Variants in MET observed in about 807,000 individuals in gnomAD.
MET encodes MET proto-oncogene, receptor tyrosine kinase, also known as hepatocyte growth factor receptor.
MET carries 48 observed loss-of-function variants against 133.1 expected under a neutral mutation model. The ratio of observed to expected loss-of-function variants is 0.36; its 90% CI spans 0.29 to 0.46. The LOEUF (loss-of-function observed/expected upper bound fraction) is 0.46, where lower values mean the gene tolerates loss of function less well. Among genes scored for constraint, MET ranks in the 20% least tolerant of loss-of-function variants. The probability of loss-of-function intolerance (pLI) is 1.00; values close to 1 mark genes in which losing one functional copy is unlikely to be tolerated. For missense variants in MET, 1,442 were observed against 1,695.9 expected, an observed-to-expected ratio of 0.85 and a Z score of 2.63; for synonymous variants, 628 against 616.5, an observed-to-expected ratio of 1.02 and a Z score of -0.28.
chr7:116,792,420 T>C (rs1584974554), intron 19 of MET, among the ~76,000 whole-genome samples: 3 of 135,854 alleles, frequency 2.2e-5, no homozygotes, highest in Admixed American at 7.5e-5. Flanking sequence ...ATTGTACACC[T>C]CCCTCCCCTC....
intron 2 of MET, among the ~76,000 whole-genome samples, chr7:116,712,697 C>G (rs543719365): frequency 1.3e-5 from 2 of 151,572 alleles, no homozygotes; most frequent in Admixed American, 1.3e-4. Context: ...CCCCTCCCGT[C>G]CCCCCCACAC....
intron 19 of MET, among the ~76,000 whole-genome samples, chr7:116,792,491 A>C (rs1205490084): frequency 1.4e-5 from 2 of 141,234 alleles, no homozygotes; most frequent in East Asian, 4.3e-4. Flanking sequence ...ACACACACAC[A>C]CACACACACA....
chr7:116,791,760 G>A lies in MET; in HGVS notation c.3799-3895G>A, dbSNP rs1009690200. On this transcript the variant is annotated intron_variant, in intron 19 of 20. Transcript: ENST00000397752. ...GCTCACTGCTACCTCTGCTTCTTGG[G>A]TTCAAGTGATTCTTTTACCTCAGCC... 7.2e-5 allele frequency among the ~76,000 whole-genome samples: 11 copies of A among 152,286 alleles called. 1 individual carries two copies. Among genetic ancestry groups the A allele is most frequent in the Admixed American group, 3.3e-4 (5 of 15,300 alleles).
rs1027153638 is a variant in MET at position 116,776,827 on chromosome 7, T to C, written c.3260-562T>C. 5.9e-5 allele frequency among the ~76,000 whole-genome samples: 9 copies of C among 152,312 alleles called. No individual in the cohort carries two copies. In the East Asian group the frequency reaches 1.7e-3, roughly 29 times the overall value. On this transcript the variant is annotated intron_variant, in intron 15 of 20. Coordinates refer to ENST00000397752, the MANE Select transcript of MET (RefSeq NM_000245.4). ...ATGAAGTGAGTCAGGGTGAATTTGC[T>C]TCATCTGGGCAACTGCCTTTCAGTT...
intron 3 of MET, among the ~76,000 whole-genome samples, chr7:116,738,621 A>C (rs1466243339): frequency 6.6e-6 from 1 of 152,162 alleles, no homozygotes; most frequent in East Asian, 1.9e-4. Context: ...TAGAGCACAA[A>C]TGTCATGATG....
intron 2 of MET, among the ~76,000 whole-genome samples, chr7:116,703,666 G>A (rs1791665899): frequency 6.6e-6 from 1 of 151,936 alleles, no homozygotes; most frequent in Non-Finnish European, 1.5e-5. Flanking sequence ...TTACATATAA[G>A]GGATTGATTA....
chr7:116,688,862 G>A (rs377071518), intron 1 of MET, among the ~76,000 whole-genome samples: 2 of 152,090 alleles, frequency 1.3e-5, no homozygotes, highest in African/African-American at 4.8e-5. Flanking sequence ...GACTAAGAGG[G>A]GATGCAAAAA....
chr7:116,741,108 T>G, intron 5 of MET, 83 bp downstream of exon 5: 1 of 1,502,090 alleles, frequency 6.7e-7, no homozygotes, highest in Non-Finnish European at 9.1e-7. Context: ...TGTTTTTTGT[T>G]TTTTTAGATA....
At chr7:116,685,302 A>G (rs191800900) in intron 1 of MET, among the ~76,000 whole-genome samples, 1 of 152,174 alleles carries the variant, frequency 6.6e-6, no homozygotes, top group Admixed American at 6.5e-5. Context: ...CTTAATTTAA[A>G]TCTCTAGCCC....
chr7:116,770,587 C>T (rs1226273140), intron 12 of MET, among the ~76,000 whole-genome samples: 1 of 152,130 alleles, frequency 6.6e-6, no homozygotes, highest in East Asian at 1.9e-4. Flanking sequence ...ATACCCTTCT[C>T]TCCCCCGGCT....
rs772014416 is a variant in MET, at chr7:116,700,197, C to A, written c.1113C>A (p.Asn371Lys). 1 of 1,592,764 alleles carries A rather than the reference C, an allele frequency of 6.3e-7. No homozygotes were observed. Among genetic ancestry groups the A allele is most frequent in the South Asian group, 1.2e-5 (1 of 85,902 alleles). ...GTGCATTCCCTATCAAATATGTCAA[C>A]GACTTCTTCAACAAGATCGTCAACA... ...AMCAFPIKYV[N>K]DFFNKIVNKN... The change falls in exon 2 of 21, where the codon AAC becomes AAA. Residue 371 changes from asparagine (N) to lysine (K), a missense_variant. Asn to Lys is a moderately conservative substitution (Grantham distance 94). Transcript: ENST00000397752.
At chr7:116,687,934 C>T (rs1321540103) in intron 1 of MET, among the ~76,000 whole-genome samples, 1 of 152,184 alleles carries the variant, frequency 6.6e-6, no homozygotes, top group Non-Finnish European at 1.5e-5. Flanking sequence ...GAATGGGGTT[C>T]ACTCACCACC....
At chr7:116,724,920 A>G (rs1792681840) in intron 2 of MET, 1 of 1,195,528 alleles carries the variant, frequency 8.4e-7, no homozygotes, top group African/African-American at 1.6e-5. Context: ...TAATATTTGT[A>G]AAATGCTTAG....
intron 19 of MET, among the ~76,000 whole-genome samples, chr7:116,783,691 T>C (rs901572810): frequency 4.6e-5 from 7 of 152,188 alleles, no homozygotes; most frequent in Admixed American, 6.5e-5. Context: ...TACCAGCTCC[T>C]TAGGAAGCCC....
chr7:116,783,362 G>A lies in MET; in HGVS notation c.3691G>A (p.Asp1231Asn), dbSNP rs1168862161. ...TTTTGGTCTTGCCAGAGACATGTATGATAAAGAATACTATAGTGTACACAA... is the reference window on the plus strand; with the variant it reads ...TTTTGGTCTTGCCAGAGACATGTATAATAAAGAATACTATAGTGTACACAA... ...ADFGLARDMY[D>N]KEYYSVHNKT... The change falls in exon 19 of 21, where the codon GAT (aspartate) becomes AAT (asparagine). Residue 1231 changes from aspartate (D) to asparagine (N), a missense_variant. Around this residue, in one of 6 missense-constraint regions of MET, gnomAD observed 38 missense variants for 40.6 expected, o/e 0.94. Transcript: ENST00000397752. 6.2e-7 allele frequency: 1 copy of A among 1,614,126 alleles called. No individual in the cohort carries two copies. Among genetic ancestry groups the A allele is most frequent in the Non-Finnish European group, 8.5e-7 (1 of 1,180,018 alleles).
intron 14 of MET, 103 bp from the exon 15 acceptor site, chr7:116,774,778 T>C (rs1196119414): frequency 5.8e-6 from 5 of 858,888 alleles, no homozygotes; most frequent in East Asian, 5.1e-5. Context: ...CAATTTATTA[T>C]CATTTTTATC....
chr7:116,722,329 G>T (rs910305969), intron 2 of MET, among the ~76,000 whole-genome samples: 3 of 151,038 alleles, frequency 2.0e-5, no homozygotes, highest in Admixed American at 1.3e-4. Context: ...TTTTCCATTT[G>T]CTTGGTAGCT....
chr7:116,730,100 G>A (rs1792944331), intron 2 of MET, among the ~76,000 whole-genome samples: 1 of 152,174 alleles, frequency 6.6e-6, no homozygotes, highest in African/African-American at 2.4e-5. Flanking sequence ...TACACTAGAA[G>A]CATTTGACTT....
chr7:116,701,590 T>C (rs1791582240), intron 2 of MET, among the ~76,000 whole-genome samples: 1 of 152,168 alleles, frequency 6.6e-6, no homozygotes, highest in African/African-American at 2.4e-5. Flanking sequence ...CCAAAGTCTA[T>C]GAATATACAT....
Sources: gnomAD v4.1 joint callset for allele counts (sites outside exome capture counted in the v4.1 genomes callset) on GRCh38, gnomAD v4.1.1 for gene constraint, gnomAD v4.1.1 regional missense constraint, MANE v1.5 for transcripts, NCBI Gene and HGNC (gene_info 2026-07-23, HGNC 2026-07-21) for gene names.